The following IQCJ variants were observed in gnomAD, a reference collection of about 807,000 sequenced individuals.
IQCJ encodes the protein IQ motif containing J.
IQCJ carries 9 observed loss-of-function variants against 11.0 expected under a neutral mutation model. The observed-to-expected ratio is 0.82, with a 90% CI of 0.49 to 1.43. The LOEUF is 1.43. IQCJ is among the 40% of genes most tolerant of loss of function. The pLI is 0.00. For missense variants in IQCJ, 146 were observed against 133.2 expected, an observed-to-expected ratio of 1.10 and a Z score of -0.47; for synonymous variants, 55 against 51.3, an observed-to-expected ratio of 1.07 and a Z score of -0.31.
intron 1 of IQCJ, among the ~76,000 whole-genome samples, chr3:159,104,679 TCTC>T (rs915524771): frequency 2.6e-5 from 4 of 152,210 alleles, no homozygotes; most frequent in African/African-American, 9.7e-5. Context: ...TGGAATGTCT[TCTC>T]TGCATTCCTC....
chr3:159,141,436 G>A (rs1720597916), intron 1 of IQCJ, among the ~76,000 whole-genome samples: 1 of 152,134 alleles, frequency 6.6e-6, no homozygotes, highest in Non-Finnish European at 1.5e-5. Flanking sequence ...AGAGTTTTAA[G>A]CAGTAAAGGT....
chr3:159,255,158 CT>C (rs773776980), intron 3 of IQCJ, among the ~76,000 whole-genome samples: 1 of 152,174 alleles, frequency 6.6e-6, no homozygotes, highest in Non-Finnish European at 1.5e-5. Context: ...CTCTTAGGGT[CT>C]TTTGACTTCT....
intron 3 of IQCJ, among the ~76,000 whole-genome samples, chr3:159,260,745 T>C (rs1009982969): frequency 6.6e-6 from 1 of 152,128 alleles, no homozygotes; most frequent in Non-Finnish European, 1.5e-5. Context: ...TGACCAAATA[T>C]AATTCAAATT....
chr3:159,121,134 T>C (rs13315902), intron 1 of IQCJ, among the ~76,000 whole-genome samples: 4,425 of 131,078 alleles, frequency 0.034, 207 homozygotes, highest in African/African-American at 0.12. Flanking sequence ...CATTTTTCTT[T>C]TTTCTTTTTT....
In IQCJ at chr3:159,245,857, A is replaced by G. The variant is rs901538036; in HGVS notation, c.24A>G (p.Arg8=). ...CTTTTTCACAGGAAGAACTGAAAAG[A>G]TTGCAGAATCCTCTAGAACAAGTTA... The part of the protein sequence containing the change: MRLEELK[R]LQNPLEQVND... The change falls in exon 2 of 4, where the codon AGA becomes AGG. Residue 8 remains arginine, a synonymous_variant. Transcript: ENST00000397832. 1 of 1,547,428 alleles carries G rather than the reference A, an allele frequency of 6.5e-7. No individual in the cohort carries two copies. The highest frequency in any genetic ancestry group is 8.8e-7 in the Non-Finnish European group (1 of 1,141,686).
chr3:159,170,267 A>AT (rs1351886358), intron 1 of IQCJ, among the ~76,000 whole-genome samples: 2 of 152,012 alleles, frequency 1.3e-5, no homozygotes, highest in South Asian at 2.1e-4. Flanking sequence ...GTTTTTCAGT[A>AT]TTTTTTTTCA....
intron 1 of IQCJ, among the ~76,000 whole-genome samples, chr3:159,194,405 G>A (rs990256106): frequency 6.6e-6 from 1 of 152,138 alleles, no homozygotes; most frequent in Non-Finnish European, 1.5e-5. Flanking sequence ...CATTTGCTAT[G>A]ATAATTGTAC....
chr3:159,151,659 G>A (rs375356013), intron 1 of IQCJ, among the ~76,000 whole-genome samples: 3 of 152,028 alleles, frequency 2.0e-5, no homozygotes, highest in Non-Finnish European at 4.4e-5. Context: ...TTTTTGAGAC[G>A]GAGTCTCGCT....
At chr3:159,166,267 T>C (rs1351062816) in intron 1 of IQCJ, among the ~76,000 whole-genome samples, 1 of 152,240 alleles carries the variant, frequency 6.6e-6, no homozygotes, top group East Asian at 1.9e-4. Context: ...TCCATTTCTG[T>C]TTCCTGCTCT....
At chr3:159,261,085 G>A (rs1728177615) in intron 3 of IQCJ, among the ~76,000 whole-genome samples, 1 of 152,092 alleles carries the variant, frequency 6.6e-6, no homozygotes. Flanking sequence ...TTATTTATAT[G>A]CTGTGACCAT....
At chr3:159,073,996 G>A (rs1426255996) in intron 1 of IQCJ, among the ~76,000 whole-genome samples, 1 of 152,128 alleles carries the variant, frequency 6.6e-6, no homozygotes, top group African/African-American at 2.4e-5. Context: ...AGATGATTTG[G>A]AGGTGATTAG....
chr3:159,083,648 A>G (rs1222214391), intron 1 of IQCJ, among the ~76,000 whole-genome samples: 1 of 152,160 alleles, frequency 6.6e-6, no homozygotes, highest in Non-Finnish European at 1.5e-5. Context: ...TCACATAAAC[A>G]ACTGTACACA....
chr3:159,222,726 A>G lies in IQCJ; in HGVS notation c.10-23117A>G, dbSNP rs145887674. 4.0e-3 allele frequency among the ~76,000 whole-genome samples: 610 copies of G among 152,296 alleles called. 3 individuals are homozygous for G. The highest frequency in any genetic ancestry group is 0.013 in the African/African-American group (528 of 41,576). ...AAAAAAGCAAAAGCAAAGAGTAACT[A>G]CAGAAGGCAATGCATATATTAAATT... On this transcript the variant is annotated intron_variant, in intron 1 of 3. Transcript: ENST00000397832.
intron 1 of IQCJ, among the ~76,000 whole-genome samples, chr3:159,137,983 A>G (rs1463867869): frequency 6.6e-6 from 1 of 152,144 alleles, no homozygotes; most frequent in South Asian, 2.1e-4. Flanking sequence ...CAATGCTTAC[A>G]GATTACTTGG....
chr3:159,209,729 G>T (rs1022554074), intron 1 of IQCJ, among the ~76,000 whole-genome samples: 1 of 152,134 alleles, frequency 6.6e-6, no homozygotes, highest in Admixed American at 6.5e-5. Context: ...CCCACAAGGG[G>T]TTTGAGCTGG....
At chr3:159,254,260 G>T (rs1286240440) in intron 3 of IQCJ, among the ~76,000 whole-genome samples, 4 of 152,090 alleles carry the variant, frequency 2.6e-5, no homozygotes, top group Admixed American at 1.3e-4. Flanking sequence ...AAAACTCCTG[G>T]GTCTTTTTCA....
intron 1 of IQCJ, among the ~76,000 whole-genome samples, chr3:159,106,535 G>A (rs1165184546): frequency 1.5e-4 from 23 of 151,934 alleles, no homozygotes; most frequent in Admixed American, 1.4e-3. Flanking sequence ...TGGGGGAAGC[G>A]GGGAGAGAGA....
At chr3:159,108,816 A>G (rs1230618519) in intron 1 of IQCJ, among the ~76,000 whole-genome samples, 2 of 152,194 alleles carry the variant, frequency 1.3e-5, no homozygotes, top group African/African-American at 2.4e-5. Flanking sequence ...AGATTATACC[A>G]TCAACTCCTT....
chr3:159,069,345 C>A lies in IQCJ; in HGVS notation c.-88C>A. Reference sequence around the variant, plus strand: ...CACTCGCCTCACATTCCCCCACAGTCACATTGCGCTCTGTGATTCTGAGGA... The same window carrying A: ...CACTCGCCTCACATTCCCCCACAGTAACATTGCGCTCTGTGATTCTGAGGA... On this transcript the variant is annotated 5_prime_UTR_variant, in exon 1 of 4. Coordinates refer to ENST00000397832, the MANE Select transcript of IQCJ (RefSeq NM_001042706.3). The A allele has an allele frequency of 2.6e-6, 4 of 1,518,914 alleles. No homozygotes were observed. Among genetic ancestry groups the A allele is most frequent in the Non-Finnish European group, 3.5e-6 (4 of 1,130,548 alleles). The allele number at this position is 1,518,914 out of a possible 1,614,324, so 94.1% of individuals were successfully genotyped here. A position where few individuals can be genotyped will look rare whatever the true frequency, so the allele number is the denominator to read the frequency against.
Sources: gnomAD v4.1 joint callset for allele counts (sites outside exome capture counted in the v4.1 genomes callset) on GRCh38, gnomAD v4.1.1 for gene constraint, MANE v1.5 for transcripts, NCBI Gene and HGNC (gene_info 2026-07-23, HGNC 2026-07-21) for gene names.